The following RBX1 variants were observed in gnomAD, a reference collection of about 807,000 sequenced individuals.
The protein encoded by RBX1 is ring-box 1.
For synonymous variants in RBX1, 48 were observed against 47.9 expected (o/e 1.00, Z -0.01); for missense variants, 46 against 141.4 (o/e 0.33, Z 3.42).
At chr22:40,951,527 G>C in intron 1 of RBX1, 51 bp downstream of exon 1, 1 of 1,566,726 alleles carries the variant, frequency 6.4e-7, no homozygotes, top group Non-Finnish European at 8.7e-7. Flanking sequence ...GCGCGGATCT[G>C]GCTGGCAGGC....
At chr22:40,956,702 G>A (rs376138512) in intron 2 of RBX1, among the ~76,000 whole-genome samples, 41 of 151,256 alleles carry the variant, frequency 2.7e-4, no homozygotes, top group Non-Finnish European at 4.1e-4. Context: ...GATTATAGGT[G>A]TGAGCCACCA....
chr22:40,970,996 C>A, intron 4 of RBX1, among the ~76,000 whole-genome samples: 1 of 152,146 alleles, frequency 6.6e-6, no homozygotes, highest in Non-Finnish European at 1.5e-5. Context: ...GCCCTTGGAG[C>A]TTGCATTCTA....
chr22:40,951,554 C>G, intron 1 of RBX1, 78 bp downstream of exon 1: 2 of 1,398,638 alleles, frequency 1.4e-6, no homozygotes, highest in South Asian at 2.4e-5. Context: ...ATGGTCGAGG[C>G]GCGGAGTAAA....
At chr22:40,956,059 C>G (rs930904336) in intron 2 of RBX1, among the ~76,000 whole-genome samples, 1 of 151,386 alleles carries the variant, frequency 6.6e-6, no homozygotes, top group African/African-American at 2.4e-5. Flanking sequence ...TTTTATATAA[C>G]CCTGATTTTT....
At chr22:40,970,863 C>T (rs2058367208) in intron 4 of RBX1, among the ~76,000 whole-genome samples, 1 of 152,134 alleles carries the variant, frequency 6.6e-6, no homozygotes, top group South Asian at 2.1e-4. Context: ...CTTATCAATG[C>T]GTATTCAGTT....
At chr22:40,954,728 C>G (rs1257679051) in intron 2 of RBX1, among the ~76,000 whole-genome samples, 1 of 151,656 alleles carries the variant, frequency 6.6e-6, no homozygotes, top group Admixed American at 6.6e-5. Flanking sequence ...TGTTAGTTTA[C>G]CTGGATGCTT....
At chr22:40,952,415 A>G (rs1437957423) in intron 1 of RBX1, among the ~76,000 whole-genome samples, 1 of 152,180 alleles carries the variant, frequency 6.6e-6, no homozygotes, top group Non-Finnish European at 1.5e-5. Flanking sequence ...CCCCCGTCCT[A>G]GTGCTTTTTG....
chr22:40,967,876 A>G lies in RBX1; in HGVS notation c.306A>G (p.Glu102=), dbSNP rs1368648213. 2 of 1,612,048 alleles carry G rather than the reference A, an allele frequency of 1.2e-6. No homozygotes were observed. The highest frequency in any genetic ancestry group is 1.3e-5 in the African/African-American group (1 of 74,990). ...QVCPLDNREW[E]FQKYGH is the part of the protein sequence containing the mutation. ...GTCCATTGGACAACAGAGAGTGGGAATTCCAAAAGTAGGTATCTTTGGTTG... is the reference window on the plus strand; with the variant it reads ...GTCCATTGGACAACAGAGAGTGGGAGTTCCAAAAGTAGGTATCTTTGGTTG... Residue 102 remains glutamate (E), a synonymous_variant, in exon 4 of 5, where the codon GAA becomes GAG. Transcript: ENST00000216225.
At chr22:40,960,812 G>T (rs560093836) in intron 2 of RBX1, among the ~76,000 whole-genome samples, 44 of 152,134 alleles carry the variant, frequency 2.9e-4, no homozygotes, top group Non-Finnish European at 4.4e-5. Context: ...AGGGTAGAGT[G>T]CAGTGGCGCG....
intron 3 of RBX1, chr22:40,966,154 G>C (rs5995973): frequency 0.035 from 5,367 of 152,306 alleles, 129 homozygotes; most frequent in Non-Finnish European, 0.055. Context: ...GCCTGCCAGG[G>C]TTGATGTGAG....
At chr22:40,962,815 C>T (rs2058344679) in intron 2 of RBX1, among the ~76,000 whole-genome samples, 1 of 151,532 alleles carries the variant, frequency 6.6e-6, no homozygotes, top group African/African-American at 2.4e-5. Flanking sequence ...GCCTCAGCCT[C>T]CTGAGTAGCT....
At chr22:40,955,139 T>C (rs1241884135) in intron 2 of RBX1, among the ~76,000 whole-genome samples, 1 of 152,232 alleles carries the variant, frequency 6.6e-6, no homozygotes, top group African/African-American at 2.4e-5. Context: ...TTAAATAGCC[T>C]AGTCTTTTTT....
chr22:40,952,983 CTTTTTTT>C (rs34618218), intron 1 of RBX1, among the ~76,000 whole-genome samples: 6 of 86,874 alleles, frequency 6.9e-5, no homozygotes, highest in South Asian at 5.2e-4. Context: ...AGTTTGTGCC[CTTTTTTT>C]TTTTTTTTTT....
intron 2 of RBX1, among the ~76,000 whole-genome samples, chr22:40,958,953 G>A (rs2146298945): frequency 6.6e-6 from 1 of 152,190 alleles, no homozygotes; most frequent in East Asian, 1.9e-4. Context: ...AGCTGAGACT[G>A]CAGGTATGCA....
intron 2 of RBX1, among the ~76,000 whole-genome samples, chr22:40,958,345 G>A (rs1262623268): frequency 2.0e-5 from 3 of 150,608 alleles, no homozygotes; most frequent in Non-Finnish European, 3.0e-5. Context: ...AAAGAACTTA[G>A]CAAGTAAAGA....
Position 40,951,489 on chromosome 22 carries a change from C to T in RBX1, c.78+13C>T. 1 of 1,611,362 alleles carries T rather than the reference C, an allele frequency of 6.2e-7. No individual in the cohort carries two copies. The highest frequency in any genetic ancestry group is 1.1e-5 in the South Asian group (1 of 90,870). On this transcript the variant is annotated intron_variant, in intron 1 of 4. Transcript: ENST00000216225. ...TGAAGTGAAAAAGGTTGGGTCTCGC[C>T]AGCGCCTTCCTCAGGGAAGCTAGAG... is the stretch of plus-strand genomic sequence containing the variant.
At chr22:40,959,194 G>A (rs573114686) in intron 2 of RBX1, among the ~76,000 whole-genome samples, 4 of 152,268 alleles carry the variant, frequency 2.6e-5, no homozygotes, top group East Asian at 1.9e-4. Context: ...TGGTGGTACA[G>A]CGTTTTTATC....
chr22:40,953,444 G>A (rs1192575566), intron 1 of RBX1, 111 bp from the exon 2 acceptor site: 1 of 717,134 alleles, frequency 1.4e-6, no homozygotes, highest in Non-Finnish European at 2.5e-6. Flanking sequence ...CTTTTGTTTG[G>A]TGGTTCCCTG....
chr22:40,963,953 G>T, intron 2 of RBX1, 94 bp from the exon 3 acceptor site: 1 of 865,348 alleles, frequency 1.2e-6, no homozygotes, highest in South Asian at 1.4e-5. Flanking sequence ...AAACAATTAT[G>T]GCTAATTAAC....
Sources: allele counts gnomAD v4.1 joint callset (sites outside exome capture counted in the v4.1 genomes callset), GRCh38; gene constraint gnomAD v4.1.1; transcripts MANE v1.5; gene names NCBI Gene and HGNC (gene_info 2026-07-23, HGNC 2026-07-21).